RAB33A: variants seen among roughly 807,000 people sequenced by gnomAD.
RAB33A encodes the protein ras-related protein Rab-33A.
RAB33A carries 6 observed loss-of-function variants against 12.0 expected under a neutral mutation model. That is an observed-to-expected ratio of 0.50 (90% confidence interval 0.27 to 0.99). RAB33A has a LOEUF of 0.99. Ranked by LOEUF, RAB33A falls within the 50% of genes least tolerant of loss-of-function variation. RAB33A has a pLI of 0.11. For missense variants in RAB33A, 109 were observed against 192.0 expected, an observed-to-expected ratio of 0.57 and a Z score of 2.55; for synonymous variants, 70 against 82.4, an observed-to-expected ratio of 0.85 and a Z score of 0.81.
At chrX:130,137,771 T>C in the RAB33A span, 1 of 1,000,165 alleles carries the variant, frequency 1.0e-6, no homozygotes, top group African/African-American at 2.0e-5. Context: ...GGAAAGAAAG[T>C]ATTGCTGTTG....
At chrX:130,147,819 A>C in the RAB33A span, 1 of 1,212,081 alleles carries the variant, frequency 8.3e-7, no homozygotes, top group Non-Finnish European at 1.1e-6. Flanking sequence ...TCCACCAATT[A>C]GCAGGAAAGG....
At chrX:130,137,014 G>A in the RAB33A span, 26 of 1,210,258 alleles carry the variant, frequency 2.1e-5, no homozygotes, top group Non-Finnish European at 2.7e-5. Context: ...CTATAGAAGC[G>A]AAGTTTGCCT....
the RAB33A span, among the ~76,000 whole-genome samples, chrX:130,164,554 T>C: frequency 8.9e-6 from 1 of 112,303 alleles, no homozygotes; most frequent in African/African-American, 3.2e-5. Flanking sequence ...GATTTTTTTT[T>C]CAAAGCAACT....
rs2031616084 is a variant in RAB33A, at chrX:130,172,117, C to T, written c.55C>T (p.Leu19=). The change falls in exon 1 of 2, where the codon CTG becomes TTG. Residue 19 remains leucine, a synonymous_variant. Coordinates refer to ENST00000257017, the MANE Select transcript of RAB33A (RefSeq NM_004794.3). The part of the protein sequence containing the change: ...GSLQPASAAG[L]ASLELDSSLD... The stretch of plus-strand genomic sequence containing the variant: ...CCTGCAGCCCGCCTCGGCCGCTGGC[C>T]TGGCGTCCCTGGAGCTCGACTCGTC... 1 of 1,210,752 alleles carries T rather than the reference C, an allele frequency of 8.3e-7. No homozygotes were observed. The highest frequency in any genetic ancestry group is 1.1e-6 in the Non-Finnish European group (1 of 895,193).
chrX:130,164,599 A>AACGC, the RAB33A span, among the ~76,000 whole-genome samples: 1 of 112,037 alleles, frequency 8.9e-6, no homozygotes, highest in Non-Finnish European at 1.9e-5. Flanking sequence ...CCCATGAAGT[A>AACGC]ACGCAGTACG....
chrX:130,120,840 G>A, the RAB33A span, among the ~76,000 whole-genome samples: 1 of 112,979 alleles, frequency 8.9e-6, no homozygotes, highest in African/African-American at 3.2e-5. Flanking sequence ...GTGCCCACCC[G>A]CCCAGCAGTG....
the RAB33A span, among the ~76,000 whole-genome samples, chrX:130,120,698 G>A: frequency 8.9e-6 from 1 of 112,399 alleles, no homozygotes; most frequent in African/African-American, 3.2e-5. Context: ...TCTCCCGCCA[G>A]TGGGGTGGGA....
At chrX:130,155,904 C>T in the RAB33A span, among the ~76,000 whole-genome samples, 2 of 112,127 alleles carry the variant, frequency 1.8e-5, no homozygotes, top group South Asian at 7.4e-4. Flanking sequence ...AATTAAACAC[C>T]ATATTTCTCA....
chrX:130,178,500 A>AT (rs1382562486), intron 1 of RAB33A, among the ~76,000 whole-genome samples: 1 of 108,030 alleles, frequency 9.3e-6, no homozygotes, highest in Non-Finnish European at 1.9e-5. Flanking sequence ...GTGGTGGTGC[A>AT]TGCCTGTAGT....
the RAB33A span, among the ~76,000 whole-genome samples, chrX:130,162,752 A>C: frequency 9.0e-6 from 1 of 111,687 alleles, no homozygotes; most frequent in African/African-American, 3.3e-5. Context: ...ATTTGAACCT[A>C]AAGTCAGGGA....
At chrX:130,179,088 C>T (rs777621536) in intron 1 of RAB33A, among the ~76,000 whole-genome samples, 1 of 110,155 alleles carries the variant, frequency 9.1e-6, no homozygotes, top group East Asian at 2.8e-4. Context: ...TCCTGGCTCC[C>T]CTCTCACGAC....
the RAB33A span, among the ~76,000 whole-genome samples, chrX:130,152,350 G>GAT: frequency 6.4e-5 from 7 of 110,105 alleles, no homozygotes; most frequent in South Asian, 7.6e-4. Flanking sequence ...CGATCTGTCT[G>GAT]ATATATATAT....
chrX:130,169,207 C>CAA (rs150861385), upstream of RAB33A, among the ~76,000 whole-genome samples: 1 of 67,492 alleles, frequency 1.5e-5, no homozygotes. Context: ...GACTCCATCT[C>CAA]AAAAAAAAAA....
At chrX:130,115,056 G>C in the RAB33A span, among the ~76,000 whole-genome samples, 1 of 110,788 alleles carries the variant, frequency 9.0e-6, no homozygotes, top group African/African-American at 3.3e-5. Flanking sequence ...CTCTCACCTC[G>C]GCCTCCCAAA....
In RAB33A at chrX:130,172,332, G is replaced by A. The variant is rs749056212; in HGVS notation, c.258+12G>A. On this transcript the variant is annotated intron_variant, in intron 1 of 1. Transcript: ENST00000257017. ...GCGAGAAGATCAAGGTGATCCAGGG[G>A]GTCAGGTCCAGGAAGGGTGGGACCC... is the stretch of plus-strand genomic sequence containing the variant. 1 of 1,192,427 alleles carries A rather than the reference G, an allele frequency of 8.4e-7. No homozygotes were observed. Among genetic ancestry groups the A allele is most frequent in the Non-Finnish European group, 1.1e-6 (1 of 884,901 alleles).
At chrX:130,171,231 C>G (rs775167709), upstream of RAB33A, among the ~76,000 whole-genome samples, 1 of 113,029 alleles carries the variant, frequency 8.8e-6, no homozygotes, top group South Asian at 3.6e-4. Flanking sequence ...GCAGCGGCCT[C>G]CCAGGCTGCC....
the RAB33A span, among the ~76,000 whole-genome samples, chrX:130,114,810 T>C: frequency 8.9e-6 from 1 of 111,925 alleles, no homozygotes; most frequent in East Asian, 2.8e-4. Context: ...CTCCTTTTTC[T>C]TTTTTTCCAG....
chrX:130,182,179 T>TATATATATATATATACACAC (rs370694549), intron 1 of RAB33A, among the ~76,000 whole-genome samples: 1 of 72,696 alleles, frequency 1.4e-5, no homozygotes, highest in Non-Finnish European at 2.4e-5. Context: ...TATATATATA[T>TATATATATATATATACACAC]ATACACATAT....
chrX:130,161,007 T>C, the RAB33A span, among the ~76,000 whole-genome samples: 1 of 112,020 alleles, frequency 8.9e-6, no homozygotes, highest in Non-Finnish European at 1.9e-5. Flanking sequence ...ATGAGTAACC[T>C]CAAACACCAT....
Sources: gnomAD v4.1 joint callset for allele counts (sites outside exome capture counted in the v4.1 genomes callset) on GRCh38, gnomAD v4.1.1 for gene constraint, MANE v1.5 for transcripts, NCBI Gene and HGNC (gene_info 2026-07-23, HGNC 2026-07-21) for gene names.